Variants in ARHGAP6 observed in about 807,000 individuals in gnomAD.
ARHGAP6 encodes rho GTPase-activating protein 6.
ARHGAP6 carries 16 observed loss-of-function variants against 55.7 expected under a neutral mutation model. The ratio of observed to expected loss-of-function variants is 0.29; its 90% CI spans 0.19 to 0.44. The LOEUF is 0.44. Ranked by LOEUF, ARHGAP6 falls within the 20% of genes least tolerant of loss-of-function variation. The pLI is 1.00. For synonymous variants in ARHGAP6, 382 were observed against 360.9 expected (o/e 1.06, Z -0.66); for missense variants, 698 against 808.9 (o/e 0.86, Z 1.66).
chrX:11,182,717 T>C (rs5934974), intron 5 of ARHGAP6, among the ~76,000 whole-genome samples: 21,557 of 102,023 alleles, frequency 0.21, 1,922 homozygotes, highest in Middle Eastern at 0.35. Flanking sequence ...CTCACTGCAG[T>C]CTTGACCTTC....
At chrX:11,157,160 G>A (rs1569234220) in intron 9 of ARHGAP6, among the ~76,000 whole-genome samples, 2 of 111,885 alleles carry the variant, frequency 1.8e-5, no homozygotes, top group South Asian at 3.8e-4. Context: ...AACGTACATC[G>A]ACAAGGATCT....
At chrX:11,553,742 A>G (rs145419819) in intron 1 of ARHGAP6, among the ~76,000 whole-genome samples, 1,501 of 112,121 alleles carry the variant, frequency 0.013, 30 homozygotes, top group African/African-American at 0.046. Context: ...TGGATGAATA[A>G]GGAAAGGAAG....
intron 3 of ARHGAP6, among the ~76,000 whole-genome samples, chrX:11,193,548 G>C (rs1482104764): frequency 8.9e-6 from 1 of 112,502 alleles, no homozygotes; most frequent in Non-Finnish European, 1.9e-5. Context: ...AGGTTAGTTT[G>C]TTTTTAAACA....
chrX:11,292,150 T>C (rs748638870), intron 1 of ARHGAP6, among the ~76,000 whole-genome samples: 4 of 112,189 alleles, frequency 3.6e-5, no homozygotes, highest in African/African-American at 1.3e-4. Flanking sequence ...TATAAACATA[T>C]GTATATATAC....
intron 1 of ARHGAP6, among the ~76,000 whole-genome samples, chrX:11,394,711 C>T (rs2049455294): frequency 9.0e-6 from 1 of 110,672 alleles, no homozygotes; most frequent in Admixed American, 9.6e-5. Context: ...TGAAAATAAA[C>T]ATCATTTTTT....
chrX:11,484,293 G>A (rs917746892), intron 1 of ARHGAP6, among the ~76,000 whole-genome samples: 1 of 109,757 alleles, frequency 9.1e-6, no homozygotes, highest in African/African-American at 3.3e-5. Flanking sequence ...CAGGGGAGGG[G>A]AAAGGGGAAA....
chrX:11,575,184 T>C lies in ARHGAP6; in HGVS notation c.588+89057A>G, dbSNP rs185615144. Among the ~76,000 whole-genome samples, 100 of 111,319 alleles carry C rather than the reference T, an allele frequency of 9.0e-4. No individual in the cohort carries two copies. In the Middle Eastern group the frequency reaches 0.014, roughly 15 times the overall value. On this transcript the variant is annotated intron_variant, in intron 1 of 12. Transcript: ENST00000337414. Reference sequence around the variant, plus strand: ...TCACTTCCAGGTCAGGCTCATGGGATCTGCCATTTTCTAGGCCATTCCATG... The same window carrying C: ...TCACTTCCAGGTCAGGCTCATGGGACCTGCCATTTTCTAGGCCATTCCATG...
At chrX:11,545,332 G>A (rs2051201401) in intron 1 of ARHGAP6, among the ~76,000 whole-genome samples, 1 of 112,262 alleles carries the variant, frequency 8.9e-6, no homozygotes, top group African/African-American at 3.2e-5. Flanking sequence ...TTAGACTGAG[G>A]TATATCTCTA....
At chrX:11,363,314 T>C (rs1424559232) in intron 1 of ARHGAP6, among the ~76,000 whole-genome samples, 1 of 112,196 alleles carries the variant, frequency 8.9e-6, no homozygotes, top group Non-Finnish European at 1.9e-5. Flanking sequence ...AACACACATT[T>C]GGATCACCTC....
chrX:11,332,709 A>G (rs1441885538), intron 1 of ARHGAP6, among the ~76,000 whole-genome samples: 2 of 112,557 alleles, frequency 1.8e-5, no homozygotes, highest in African/African-American at 3.2e-5. Context: ...TTTCATGACT[A>G]TAGTATAATG....
intron 2 of ARHGAP6, among the ~76,000 whole-genome samples, chrX:11,241,480 G>A (rs1240618944): frequency 9.2e-6 from 1 of 108,823 alleles, no homozygotes; most frequent in Non-Finnish European, 1.9e-5. Flanking sequence ...GAAAATAATG[G>A]AAAACGTATT....
chrX:11,316,053 C>T (rs927292587), intron 1 of ARHGAP6, among the ~76,000 whole-genome samples: 1 of 112,086 alleles, frequency 8.9e-6, no homozygotes, highest in African/African-American at 3.2e-5. Context: ...GTCCATTTCA[C>T]AATCCATAGT....
chrX:11,461,292 A>G (rs2147817230), intron 1 of ARHGAP6, among the ~76,000 whole-genome samples: 1 of 112,161 alleles, frequency 8.9e-6, no homozygotes, highest in Admixed American at 9.5e-5. Context: ...TGACATGTTC[A>G]CGAAAGAGTA....
chrX:11,528,639 T>G (rs570641831), intron 1 of ARHGAP6, among the ~76,000 whole-genome samples: 1 of 111,957 alleles, frequency 8.9e-6, no homozygotes, highest in South Asian at 3.7e-4. Context: ...GGTTGTAAAT[T>G]TCAAGGCTTC....
At chrX:11,391,836 G>C (rs1461369718) in intron 1 of ARHGAP6, among the ~76,000 whole-genome samples, 1 of 111,828 alleles carries the variant, frequency 8.9e-6, no homozygotes, top group Non-Finnish European at 1.9e-5. Flanking sequence ...GATTCTAATT[G>C]AGTGGGTCTG....
chrX:11,381,836 T>A (rs1193280152), intron 1 of ARHGAP6, among the ~76,000 whole-genome samples: 1 of 112,461 alleles, frequency 8.9e-6, no homozygotes, highest in African/African-American at 3.2e-5. Context: ...TTAAGCTTTT[T>A]TATTCCAAAC....
intron 1 of ARHGAP6, among the ~76,000 whole-genome samples, chrX:11,382,446 C>T (rs942659087): frequency 9.0e-6 from 1 of 111,530 alleles, no homozygotes; most frequent in Admixed American, 9.5e-5. Flanking sequence ...AAGGCTGGCT[C>T]TTCATGTGAT....
chrX:11,587,714 G>A (rs2051752404), intron 1 of ARHGAP6, among the ~76,000 whole-genome samples: 1 of 112,236 alleles, frequency 8.9e-6, no homozygotes. Flanking sequence ...AGTTTGCTAA[G>A]AATAACCACT....
chrX:11,595,017 G>A (rs1368272757), intron 1 of ARHGAP6, among the ~76,000 whole-genome samples: 2 of 111,805 alleles, frequency 1.8e-5, no homozygotes, highest in Non-Finnish European at 3.8e-5. Context: ...TCAGTCGGGC[G>A]CAGTGGCTCA....
Sources: gnomAD v4.1 joint callset for allele counts (sites outside exome capture counted in the v4.1 genomes callset) on GRCh38, gnomAD v4.1.1 for gene constraint, MANE v1.5 for transcripts, NCBI Gene and HGNC (gene_info 2026-07-23, HGNC 2026-07-21) for gene names.